The following DCC variants were observed in gnomAD, a reference collection of about 807,000 sequenced individuals.
The protein encoded by DCC is DCC netrin 1 receptor.
In DCC, 58 loss-of-function variants were observed where a neutral mutation model predicts 172.5. That is an observed-to-expected ratio of 0.34 (90% confidence interval 0.27 to 0.42). The LOEUF is 0.42. Ranked by LOEUF, DCC falls within the 10% of genes least tolerant of loss-of-function variation. The pLI is 1.00. For synonymous variants in DCC, 709 were observed against 644.5 expected, an observed-to-expected ratio of 1.10 and a Z score of -1.52; for missense variants, 1,740 against 1,791.0, an observed-to-expected ratio of 0.97 and a Z score of 0.51.
chr18:53,516,165 T>A (rs369747328), intron 27 of DCC, among the ~76,000 whole-genome samples: 2,410 of 151,258 alleles, frequency 0.016, 33 homozygotes, highest in Non-Finnish European at 0.025. Context: ...AACTATGTGA[T>A]CTTTGACAAA....
chr18:52,551,019 T>C (rs1256241917), intron 1 of DCC, among the ~76,000 whole-genome samples: 1 of 152,030 alleles, frequency 6.6e-6, no homozygotes. Context: ...GACAAATGTA[T>C]TTGTATCTTT....
chr18:52,583,619 G>A lies in DCC; in HGVS notation c.92-168435G>A, dbSNP rs182617849. 4.3e-4 allele frequency among the ~76,000 whole-genome samples: 66 copies of A among 152,022 alleles called. 1 individual carries two copies. The highest frequency in any genetic ancestry group is 9.9e-4 in the African/African-American group (41 of 41,466). ...TTCTTGGCAAAGTTTATTGCTGTTC[G>A]GTTTGGTTTAACGTGTATATTTCAC... On this transcript the variant is annotated intron_variant, in intron 1 of 28. Coordinates refer to ENST00000442544, the MANE Select transcript of DCC (RefSeq NM_005215.4).
chr18:52,890,993 C>A (rs1003584739), intron 2 of DCC, among the ~76,000 whole-genome samples: 1 of 151,972 alleles, frequency 6.6e-6, no homozygotes, highest in Non-Finnish European at 1.5e-5. Flanking sequence ...CCTTTGGGAA[C>A]CAGAGTTCTA....
intron 2 of DCC, among the ~76,000 whole-genome samples, chr18:52,821,852 C>T (rs2038412333): frequency 6.6e-6 from 1 of 152,114 alleles, no homozygotes. Context: ...TTGGCATTGA[C>T]TAGGTGCTCA....
At chr18:53,178,427 A>G (rs1040429429) in intron 8 of DCC, among the ~76,000 whole-genome samples, 1 of 152,220 alleles carries the variant, frequency 6.6e-6, no homozygotes. Flanking sequence ...ACTTCCTTTC[A>G]CTAATTGCAC....
chr18:52,707,451 T>A (rs527625993), intron 1 of DCC, among the ~76,000 whole-genome samples: 2 of 152,246 alleles, frequency 1.3e-5, no homozygotes, highest in African/African-American at 4.8e-5. Context: ...ATAGGGAGAT[T>A]CCCCCAGAAT....
intron 3 of DCC, 30 bp from the exon 4 acceptor site, chr18:52,923,677 A>G (rs2040157618): frequency 1.3e-6 from 2 of 1,526,486 alleles, no homozygotes; most frequent in South Asian, 2.2e-5. Flanking sequence ...TTTTTCATAT[A>G]TCATATGATA....
chr18:53,299,177 G>C (rs957377240), intron 12 of DCC, among the ~76,000 whole-genome samples: 7 of 152,166 alleles, frequency 4.6e-5, no homozygotes, highest in Non-Finnish European at 1.0e-4. Flanking sequence ...AGATGGGCTT[G>C]TGTGTATTTA....
rs139661340 is a variant in DCC, at chr18:53,335,963, G to A, written c.2165-3750G>A. ...TCACGATAATAGCACAGGAAAGACC[G>A]CCCCTGTGAGTTAATTACCTCCCAA... On this transcript the variant is annotated intron_variant, in intron 14 of 28. Coordinates refer to ENST00000442544, the MANE Select transcript of DCC (RefSeq NM_005215.4). Among the ~76,000 whole-genome samples the A allele has an allele frequency of 1.7e-4, 26 of 152,148 alleles. 1 individual carries two copies. Among genetic ancestry groups the A allele is most frequent in the Admixed American group, 3.9e-4 (6 of 15,270 alleles).
In DCC at chr18:53,275,508, A is replaced by G. The variant is rs192986883; in HGVS notation, c.1912-30070A>G. ...TTTAAATTGGTAGTCCTTTCACTCA[A>G]CATTTTTTGCTGGCTTCCTTTAGTT... is the stretch of plus-strand genomic sequence containing the variant. On this transcript the variant is annotated intron_variant, in intron 12 of 28. Transcript: ENST00000442544. Among the ~76,000 whole-genome samples the G allele has an allele frequency of 1.6e-4, 25 of 152,272 alleles. 1 individual carries two copies. In the East Asian group the frequency reaches 4.5e-3, roughly 27 times the overall value.
At chr18:52,655,758 G>GA (rs1182742403) in intron 1 of DCC, among the ~76,000 whole-genome samples, 1 of 151,820 alleles carries the variant, frequency 6.6e-6, no homozygotes, top group Non-Finnish European at 1.5e-5. Context: ...TACCTTGGAG[G>GA]AAAATTTAAA....
At chr18:53,153,401 T>C (rs1005190160) in intron 7 of DCC, among the ~76,000 whole-genome samples, 8 of 152,152 alleles carry the variant, frequency 5.3e-5, no homozygotes, top group African/African-American at 1.9e-4. Context: ...CCTGATGCTA[T>C]GAATTTTTTT....
intron 12 of DCC, among the ~76,000 whole-genome samples, chr18:53,257,168 T>C (rs563249762): frequency 1.2e-4 from 18 of 152,292 alleles, no homozygotes; most frequent in Admixed American, 7.2e-4. Flanking sequence ...ACAGGGACAA[T>C]TGGACTTCCT....
intron 1 of DCC, among the ~76,000 whole-genome samples, chr18:52,577,094 C>T (rs2144769516): frequency 6.6e-6 from 1 of 152,306 alleles, no homozygotes; most frequent in Non-Finnish European, 1.5e-5. Context: ...TCAAGATGCA[C>T]TTAGGCAGGA....
At position 53,402,911 on chromosome 18, in the gene DCC, C is replaced by A; in HGVS notation, c.2935+18C>A. ...AATTACTGGTAAGCATCTCCACTTT[C>A]TCTCCCAGCATAGCTCTCCCTTGTC... On this transcript the variant is annotated intron_variant, in intron 19 of 28. Transcript: ENST00000442544. The A allele has an allele frequency of 6.5e-7, 1 of 1,541,884 alleles. No homozygotes were observed. The highest frequency in any genetic ancestry group is 9.0e-7 in the Non-Finnish European group (1 of 1,114,240).
rs1555729706 is a variant in DCC at position 53,203,234 on chromosome 18, TGC to T, written c.1574-1980_1574-1979del. On this transcript the variant is annotated intron_variant, in intron 9 of 28. Coordinates refer to ENST00000442544, the MANE Select transcript of DCC (RefSeq NM_005215.4). ...GTGTGTGTGTGTGTGTGTGTGTGTG[TGC>T]GTGTGTGTGTGTATGTAATTATACA... Among the ~76,000 whole-genome samples the T allele has an allele frequency of 1.3e-4, 19 of 145,942 alleles. No individual in the cohort carries two copies. The East Asian group carries it at 1.5e-3, about 11-fold the overall frequency.
chr18:52,974,881 C>T (rs2145593059), intron 5 of DCC, among the ~76,000 whole-genome samples: 1 of 152,270 alleles, frequency 6.6e-6, no homozygotes, highest in East Asian at 1.9e-4. Context: ...TTATATTGTG[C>T]TGTGAGTTAG....
At chr18:53,276,422 G>T (rs978961895) in intron 12 of DCC, among the ~76,000 whole-genome samples, 14 of 152,112 alleles carry the variant, frequency 9.2e-5, no homozygotes, top group Non-Finnish European at 1.8e-4. Context: ...CATTGTTCTT[G>T]CTTTCTTTAG....
chr18:52,863,640 T>G (rs1252908294), intron 2 of DCC, among the ~76,000 whole-genome samples: 16 of 151,738 alleles, frequency 1.1e-4, no homozygotes, highest in African/African-American at 3.9e-4. Flanking sequence ...CCAAAAAATT[T>G]TGAGAAACCT....
Sources: gnomAD v4.1 joint callset for allele counts (sites outside exome capture counted in the v4.1 genomes callset) on GRCh38, gnomAD v4.1.1 for gene constraint, MANE v1.5 for transcripts, NCBI Gene and HGNC (gene_info 2026-07-23, HGNC 2026-07-21) for gene names.